FMNL2: variants seen among roughly 807,000 people sequenced by gnomAD.
The protein encoded by FMNL2 is formin like 2.
FMNL2 carries 51 observed loss-of-function variants against 130.2 expected under a neutral mutation model. The ratio of observed to expected loss-of-function variants is 0.39; its 90% confidence interval spans 0.31 to 0.49. The LOEUF (loss-of-function observed/expected upper bound fraction) is 0.49. FMNL2 is among the 20% of genes least tolerant of loss of function. The pLI is 0.85. For synonymous variants in FMNL2, 465 were observed against 467.1 expected (o/e 1.00, Z 0.06); for missense variants, 977 against 1,316.2 (o/e 0.74, Z 3.99).
intron 1 of FMNL2, among the ~76,000 whole-genome samples, chr2:152,357,020 T>C (rs572258990): frequency 1.8e-3 from 247 of 140,862 alleles, no homozygotes; most frequent in African/African-American, 5.5e-3. Context: ...TAATATATAA[T>C]GATAAATATT....
intron 1 of FMNL2, among the ~76,000 whole-genome samples, chr2:152,484,684 C>T (rs1375477831): frequency 1.3e-5 from 2 of 152,014 alleles, no homozygotes; most frequent in African/African-American, 2.4e-5. Context: ...ATCACTTGAA[C>T]CCAGGAGTTT....
At chr2:152,632,163 C>G (rs755508847) in intron 21 of FMNL2, 26 bp downstream of exon 21, 2 of 1,600,442 alleles carry the variant, frequency 1.2e-6, no homozygotes, top group South Asian at 1.1e-5. Context: ...TATTACCGTT[C>G]GTCTTGGGTA....
At chr2:152,603,359 C>T (rs2105828181) in intron 9 of FMNL2, among the ~76,000 whole-genome samples, 1 of 149,414 alleles carries the variant, frequency 6.7e-6, no homozygotes, top group Admixed American at 6.7e-5. Flanking sequence ...TTATTTTCGC[C>T]AAGTTCATAG....
chr2:152,528,749 G>A (rs1693533944), intron 2 of FMNL2, among the ~76,000 whole-genome samples: 1 of 152,164 alleles, frequency 6.6e-6, no homozygotes, highest in African/African-American at 2.4e-5. Flanking sequence ...ACACTAAGAT[G>A]TATAATGATT....
At chr2:152,608,142 G>T (rs771970903) in intron 10 of FMNL2, among the ~76,000 whole-genome samples, 7 of 152,150 alleles carry the variant, frequency 4.6e-5, no homozygotes, top group Non-Finnish European at 1.0e-4. Flanking sequence ...CAGATCTGTA[G>T]GCGTTGACCC....
At chr2:152,395,926 A>C (rs1558826042) in intron 1 of FMNL2, among the ~76,000 whole-genome samples, 1 of 152,118 alleles carries the variant, frequency 6.6e-6, no homozygotes, top group Non-Finnish European at 1.5e-5. Context: ...CGGCAGGCAA[A>C]ACAGTCATGT....
At chr2:152,431,849 A>G (rs1687507827) in intron 1 of FMNL2, among the ~76,000 whole-genome samples, 1 of 151,086 alleles carries the variant, frequency 6.6e-6, no homozygotes, top group Non-Finnish European at 1.5e-5. Context: ...GTGTAGTCCC[A>G]GCTTCTTGGG....
chr2:152,513,608 A>T lies in FMNL2; in HGVS notation c.118-8335A>T, dbSNP rs1579852222. On this transcript the variant is annotated intron_variant, in intron 1 of 25. Transcript: ENST00000288670. ...TTGTAGCTCTGTACTTTTTGATTAT[A>T]AAAAAGTTATGGAGGAGTCATAAGA... 2.6e-5 allele frequency among the ~76,000 whole-genome samples: 4 copies of T among 152,288 alleles called. No individual in the cohort carries two copies. The South Asian group carries it at 6.2e-4, about 24-fold the overall frequency.
intron 9 of FMNL2, among the ~76,000 whole-genome samples, chr2:152,607,015 T>TTTTG (rs1698403858): frequency 1.5e-5 from 2 of 135,622 alleles, no homozygotes; most frequent in South Asian, 2.4e-4. Flanking sequence ...TGTTTTTTTT[T>TTTTG]TTTTTTTTTA....
intron 1 of FMNL2, among the ~76,000 whole-genome samples, chr2:152,475,709 G>C (rs1176675271): frequency 6.6e-6 from 1 of 152,102 alleles, no homozygotes; most frequent in Non-Finnish European, 1.5e-5. Context: ...ATGTTGGCCA[G>C]GCTGGTGTTG....
chr2:152,633,151 A>T (rs114173283), intron 21 of FMNL2, among the ~76,000 whole-genome samples: 1 of 150,510 alleles, frequency 6.6e-6, no homozygotes, highest in Admixed American at 6.6e-5. Flanking sequence ...GCTACAGTGC[A>T]GTGACATGAT....
At chr2:152,491,550 C>T (rs1415157394) in intron 1 of FMNL2, among the ~76,000 whole-genome samples, 1 of 152,206 alleles carries the variant, frequency 6.6e-6, no homozygotes, top group East Asian at 1.9e-4. Flanking sequence ...ATCCCACCAG[C>T]CAACTCCCCA....
chr2:152,509,440 G>T (rs1357359921), intron 1 of FMNL2, among the ~76,000 whole-genome samples: 1 of 151,210 alleles, frequency 6.6e-6, no homozygotes, highest in Non-Finnish European at 1.5e-5. Flanking sequence ...TGTGTATTGT[G>T]TATCTGTCCA....
At chr2:152,367,645 TC>T (rs1283475791) in intron 1 of FMNL2, among the ~76,000 whole-genome samples, 3 of 152,170 alleles carry the variant, frequency 2.0e-5, no homozygotes, top group Non-Finnish European at 4.4e-5. Flanking sequence ...TTGTCTCGCT[TC>T]CTCTCCACCA....
chr2:152,401,603 GT>G (rs1474261908), intron 1 of FMNL2, among the ~76,000 whole-genome samples: 1 of 152,216 alleles, frequency 6.6e-6, no homozygotes, highest in African/African-American at 2.4e-5. Flanking sequence ...GGCATTCACA[GT>G]TTCATTTGAA....
chr2:152,619,768 T>G, intron 15 of FMNL2, 50 bp downstream of exon 15: 2 of 1,571,700 alleles, frequency 1.3e-6, no homozygotes, highest in Non-Finnish European at 1.7e-6. Flanking sequence ...AATGCTGTCT[T>G]ATCTCGGAGA....
At chr2:152,537,653 T>A (rs946284652) in intron 2 of FMNL2, among the ~76,000 whole-genome samples, 2 of 143,946 alleles carry the variant, frequency 1.4e-5, no homozygotes, top group African/African-American at 5.2e-5. Flanking sequence ...GTGACATTTT[T>A]AAAAAGTTTA....
chr2:152,643,615 T>C (rs1346645540), intron 25 of FMNL2: 3 of 1,506,106 alleles, frequency 2.0e-6, no homozygotes, highest in Admixed American at 4.1e-5. Context: ...CATGCTAGCA[T>C]GGAATTGCCA....
At chr2:152,516,993 A>G (rs978166996) in intron 1 of FMNL2, among the ~76,000 whole-genome samples, 1 of 9,840 alleles carries the variant, frequency 1.0e-4, no homozygotes, top group African/African-American at 1.9e-4. Flanking sequence ...AGATTGTACA[A>G]TTATGGATAA....
Sources: gnomAD v4.1 joint callset for allele counts (sites outside exome capture counted in the v4.1 genomes callset) on GRCh38, gnomAD v4.1.1 for gene constraint, MANE v1.5 for transcripts, NCBI Gene and HGNC (gene_info 2026-07-23, HGNC 2026-07-21) for gene names.